SDHAF3: variants seen among roughly 807,000 people sequenced by gnomAD.
The protein encoded by SDHAF3 is succinate dehydrogenase complex assembly factor 3, also known as succinate dehydrogenase assembly factor 3, mitochondrial.
In SDHAF3, 18 loss-of-function variants were observed where a neutral mutation model predicts 11.5. The observed-to-expected ratio is 1.56, with a 90% CI of 1.08 to 2.32. The LOEUF (loss-of-function observed/expected upper bound fraction) is 2.32. Ranked by LOEUF, SDHAF3 falls within the 30% of genes most tolerant of loss-of-function variation. The pLI is 0.00. For missense variants in SDHAF3, 200 were observed against 154.4 expected (o/e 1.30, Z -1.57); for synonymous variants, 72 against 59.3 (o/e 1.21, Z -0.99).
In SDHAF3 at chr7:97,162,622, T is replaced by C. The variant is rs552568650; in HGVS notation, c.175-18390T>C. Among the ~76,000 whole-genome samples the C allele has an allele frequency of 2.6e-5, 4 of 152,326 alleles. No individual in the cohort carries two copies. In the South Asian group the frequency reaches 8.3e-4, roughly 32 times the overall value. On this transcript the variant is annotated intron_variant, in intron 1 of 1. Coordinates refer to ENST00000432641, the MANE Select transcript of SDHAF3 (RefSeq NM_020186.3). ...TCTCATTGGTTTCGAAGAACATATT[T>C]ATTTCTGGCTTCATTTTGTTATTTA...
chr7:97,142,345 G>A (rs79395649), intron 1 of SDHAF3, among the ~76,000 whole-genome samples: 1,858 of 152,086 alleles, frequency 0.012, 37 homozygotes, highest in African/African-American at 0.041. Context: ...GAGCCACCGC[G>A]CCTGGCCTGA....
At position 97,117,701 on chromosome 7, in the gene SDHAF3, G is replaced by A. The variant is rs1791424113; in HGVS notation, c.-23G>A. The stretch of plus-strand genomic sequence containing the variant: ...CGCGCCGTCCCTCTGCGCAGGCGCA[G>A]TCGGCGGTCGGCGTGGGGCGCTATG... On this transcript the variant is annotated 5_prime_UTR_variant, in exon 1 of 2. Coordinates refer to ENST00000432641, the MANE Select transcript of SDHAF3 (RefSeq NM_020186.3). 1 of 1,603,948 alleles carries A rather than the reference G, an allele frequency of 6.2e-7. No homozygotes were observed. Among genetic ancestry groups the A allele is most frequent in the Non-Finnish European group, 8.5e-7 (1 of 1,175,080 alleles).
chr7:97,142,587 A>C (rs557219344), intron 1 of SDHAF3: 1 of 152,272 alleles, frequency 6.6e-6, no homozygotes, highest in East Asian at 1.9e-4. Context: ...TCTTTATAGA[A>C]CTAGTATCAA....
intron 1 of SDHAF3, among the ~76,000 whole-genome samples, chr7:97,139,150 C>T (rs915663692): frequency 5.9e-5 from 9 of 152,210 alleles, no homozygotes; most frequent in South Asian, 2.1e-4. Flanking sequence ...TACCTGTGTT[C>T]GGTGGTTCCT....
intron 1 of SDHAF3, among the ~76,000 whole-genome samples, chr7:97,173,736 T>G (rs1449697973): frequency 6.6e-6 from 1 of 151,758 alleles, no homozygotes; most frequent in Non-Finnish European, 1.5e-5. Context: ...GTATTTTTAG[T>G]AGAGACGAGG....
At chr7:97,179,042 A>G (rs573067418) in intron 1 of SDHAF3, among the ~76,000 whole-genome samples, 97 of 151,972 alleles carry the variant, frequency 6.4e-4, no homozygotes, top group Admixed American at 3.5e-3. Context: ...GTCTAACTTC[A>G]CTCTTTTGCA....
At chr7:97,138,129 G>A (rs1283165494) in intron 1 of SDHAF3, among the ~76,000 whole-genome samples, 2 of 150,018 alleles carry the variant, frequency 1.3e-5, no homozygotes, top group Non-Finnish European at 3.0e-5. Flanking sequence ...CAATGTGCTG[G>A]ATCACAGGGG....
intron 1 of SDHAF3, among the ~76,000 whole-genome samples, chr7:97,141,795 C>T (rs2115667804): frequency 6.6e-6 from 1 of 152,084 alleles, no homozygotes; most frequent in South Asian, 2.1e-4. Flanking sequence ...TTAATGTTAT[C>T]TACATTGTAT....
Position 97,133,171 on chromosome 7 carries a change from G to A in SDHAF3, c.174+15274G>A, listed in dbSNP as rs1478734801. On this transcript the variant is annotated intron_variant, in intron 1 of 1. Coordinates refer to ENST00000432641, the MANE Select transcript of SDHAF3 (RefSeq NM_020186.3). Reference sequence around the variant, plus strand: ...GAAACACCGAGTGGGATCTAGGGTGGTACTGTAATCAAATACATTAGTATG... The same window carrying A: ...GAAACACCGAGTGGGATCTAGGGTGATACTGTAATCAAATACATTAGTATG... Among the ~76,000 whole-genome samples the A allele has an allele frequency of 4.6e-5, 7 of 152,198 alleles. No homozygotes were observed. The East Asian group carries it at 1.2e-3, about 25-fold the overall frequency.
chr7:97,125,566 C>A (rs569221344), intron 1 of SDHAF3, among the ~76,000 whole-genome samples: 65 of 152,274 alleles, frequency 4.3e-4, no homozygotes, highest in Middle Eastern at 3.4e-3. Context: ...TGTCTCCATG[C>A]CTTATTTCAG....
intron 1 of SDHAF3, among the ~76,000 whole-genome samples, chr7:97,166,490 G>A (rs934426359): frequency 3.9e-5 from 6 of 152,178 alleles, no homozygotes; most frequent in Admixed American, 3.9e-4. Context: ...GGGTTGTGGA[G>A]AGGAAGGTTC....
chr7:97,158,134 A>G (rs2115709315), intron 1 of SDHAF3, among the ~76,000 whole-genome samples: 1 of 152,280 alleles, frequency 6.6e-6, no homozygotes, highest in South Asian at 2.1e-4. Context: ...GTATAAAAAA[A>G]AAAATACAAT....
chr7:97,146,553 A>G (rs1321677122), intron 1 of SDHAF3, among the ~76,000 whole-genome samples: 1 of 152,164 alleles, frequency 6.6e-6, no homozygotes. Context: ...TCTGTAATAC[A>G]GTGTCACTTT....
intron 1 of SDHAF3, among the ~76,000 whole-genome samples, chr7:97,180,623 GA>G (rs869180160): frequency 3.9e-5 from 6 of 152,078 alleles, no homozygotes; most frequent in African/African-American, 1.2e-4. Context: ...AAAGTTGGGG[GA>G]AAAAAGACCC....
intron 1 of SDHAF3, chr7:97,136,250 C>T (rs572171086): frequency 2.3e-6 from 1 of 435,928 alleles, no homozygotes; most frequent in Non-Finnish European, 4.1e-6. Flanking sequence ...TTTTTTGAAA[C>T]ATAACTTTTA....
At position 97,179,722 on chromosome 7, in the gene SDHAF3, C is replaced by G. The variant is rs1052835892; in HGVS notation, c.175-1290C>G. ...CACTGACCCCTCCCCACCCCTACCC[C>G]CCCTACACACACAAAATAGTGCCAA... On this transcript the variant is annotated intron_variant, in intron 1 of 1. Transcript: ENST00000432641. Among the ~76,000 whole-genome samples the G allele has an allele frequency of 1.8e-4, 28 of 152,068 alleles. No individual in the cohort carries two copies. In the South Asian group the frequency reaches 5.6e-3, roughly 31 times the overall value.
chr7:97,158,015 AATGATGAGTTAATC>A (rs1789330436), intron 1 of SDHAF3, among the ~76,000 whole-genome samples: 2 of 151,828 alleles, frequency 1.3e-5, no homozygotes, highest in Admixed American at 6.6e-5. Context: ...CCTAATGTTA[AATGATGAGTTAATC>A]ATGATGAGTT....
chr7:97,173,917 CTTTTTTTTCTTTT>C (rs1387431690), intron 1 of SDHAF3, among the ~76,000 whole-genome samples: 6 of 148,148 alleles, frequency 4.1e-5, no homozygotes, highest in Non-Finnish European at 9.0e-5. Context: ...TTGTTAGCAG[CTTTTTTTTCTTTT>C]TTTTTTTAAA....
At chr7:97,143,302 A>AT (rs973390944) in intron 1 of SDHAF3, among the ~76,000 whole-genome samples, 4 of 151,292 alleles carry the variant, frequency 2.6e-5, no homozygotes, top group East Asian at 1.9e-4. Flanking sequence ...TGATACATTA[A>AT]TTTTTTTTTC....
Sources: allele counts gnomAD v4.1 joint callset (sites outside exome capture counted in the v4.1 genomes callset), GRCh38; gene constraint gnomAD v4.1.1; transcripts MANE v1.5; gene names NCBI Gene and HGNC (gene_info 2026-07-23, HGNC 2026-07-21).